D2HGDH: variants seen among roughly 807,000 people sequenced by gnomAD.
D2HGDH encodes the protein D-2-hydroxyglutarate dehydrogenase, mitochondrial.
In D2HGDH, 31 loss-of-function variants were observed where a neutral mutation model predicts 46.9. The ratio of observed to expected loss-of-function variants is 0.66; its 90% CI spans 0.50 to 0.89. The LOEUF is 0.89. Among genes scored for constraint, D2HGDH ranks in the 40% least tolerant of loss-of-function variants. The pLI is 0.00. For synonymous variants in D2HGDH, 364 were observed against 332.6 expected (o/e 1.09, Z -1.03); for missense variants, 698 against 720.8 (o/e 0.97, Z 0.36).
Position 241,742,050 on chromosome 2 carries a change from C to T in D2HGDH, c.351-385C>T, listed in dbSNP as rs569625201. Reference sequence around the variant, plus strand: ...GGCACACGTCTGGGGGATAATGGGCCGAGGGTGGGGAGATGCAGGCAGAGG... The same window carrying T: ...GGCACACGTCTGGGGGATAATGGGCTGAGGGTGGGGAGATGCAGGCAGAGG... On this transcript the variant is annotated intron_variant, in intron 3 of 9. Transcript: ENST00000321264. The surrounding 1 kb of genome is among the most constrained non-coding windows in gnomAD (Gnocchi z 4.8). 4.6e-5 allele frequency among the ~76,000 whole-genome samples: 7 copies of T among 152,052 alleles called. No individual in the cohort carries two copies. Among genetic ancestry groups the T allele is most frequent in the East Asian group, 1.9e-4 (1 of 5,170 alleles).
At chr2:241,748,846 G>A in intron 6 of D2HGDH, 1 of 1,272,718 alleles carries the variant, frequency 7.9e-7, no homozygotes, top group South Asian at 1.3e-5. Flanking sequence ...GTTCTGCTCT[G>A]ATCCCACTCC....
At chr2:241,755,032 C>G in intron 8 of D2HGDH, 1 of 1,295,538 alleles carries the variant, frequency 7.7e-7, no homozygotes, top group Non-Finnish European at 1.0e-6. Flanking sequence ...CTGTCCTGTT[C>G]CTCATGGTGC....
rs1191842618 is a variant in D2HGDH at position 241,760,303 on chromosome 2, C to T, written c.1306+4289C>T. Reference sequence around the variant, plus strand: ...AATCAGTCGAAGGACTTCGCCACAGCGTGGGTGGGCCTTACCCAATCAGTC... The same window carrying T: ...AATCAGTCGAAGGACTTCGCCACAGTGTGGGTGGGCCTTACCCAATCAGTC... On this transcript the variant is annotated intron_variant, in intron 9 of 9. Coordinates refer to ENST00000321264, the MANE Select transcript of D2HGDH (RefSeq NM_152783.5). 2.4e-4 allele frequency among the ~76,000 whole-genome samples: 12 copies of T among 49,466 alleles called. No individual in the cohort carries two copies. In the South Asian group the frequency reaches 2.7e-3, roughly 11 times the overall value. 32.5% of individuals were successfully genotyped at this position (49,466 alleles called of 152,430 possible).
At chr2:241,735,596 G>C in intron 2 of D2HGDH, 80 bp downstream of exon 2, 1 of 1,569,994 alleles carries the variant, frequency 6.4e-7, no homozygotes, top group Non-Finnish European at 8.6e-7. Flanking sequence ...AAAGCGGGCT[G>C]AGAACAACCT....
At chr2:241,762,635 G>A (rs992092279) in intron 9 of D2HGDH, among the ~76,000 whole-genome samples, 2 of 151,994 alleles carry the variant, frequency 1.3e-5, no homozygotes, top group African/African-American at 4.8e-5. Context: ...GTTTCTTATC[G>A]GCTGCTGCCA....
chr2:241,752,767 C>T (rs1243078074), intron 8 of D2HGDH, among the ~76,000 whole-genome samples: 3 of 151,082 alleles, frequency 2.0e-5, no homozygotes, highest in Admixed American at 1.3e-4. Flanking sequence ...GCAGCCCCCA[C>T]ACCACCCCCA....
At chr2:241,750,394 C>CCCG in intron 7 of D2HGDH, 100 bp downstream of exon 7, 1 of 263,588 alleles carries the variant, frequency 3.8e-6, no homozygotes, top group Non-Finnish European at 6.1e-6. Flanking sequence ...GGGGGGTGCC[C>CCCG]GGGCGGGCGG....
chr2:241,761,384 C>A (rs1698801398), intron 9 of D2HGDH, among the ~76,000 whole-genome samples: 1 of 151,980 alleles, frequency 6.6e-6, no homozygotes, highest in Admixed American at 6.6e-5. Context: ...ACTAAAAATA[C>A]AAAAATTAGC....
intron 9 of D2HGDH, among the ~76,000 whole-genome samples, chr2:241,760,435 T>G (rs1185839866): frequency 7.2e-6 from 1 of 139,402 alleles, no homozygotes; most frequent in Non-Finnish European, 1.5e-5. Context: ...TGCCACAGCG[T>G]GGGTGGGCCT....
intron 6 of D2HGDH, 59 bp from the exon 7 acceptor site, chr2:241,750,092 G>A (rs1028700535): frequency 2.5e-6 from 4 of 1,612,264 alleles, no homozygotes; most frequent in Non-Finnish European, 3.4e-6. Context: ...TTTGAAGGGG[G>A]ACTTGGGTGG....
At chr2:241,751,181 C>G in intron 7 of D2HGDH, 65 bp from the exon 8 acceptor site, 1 of 1,610,006 alleles carries the variant, frequency 6.2e-7, no homozygotes, top group Non-Finnish European at 8.5e-7. Context: ...TCTGCCCGAG[C>G]AGCCCTGATT....
chr2:241,747,123 GT>G (rs1161924245), intron 6 of D2HGDH, among the ~76,000 whole-genome samples: 1 of 152,044 alleles, frequency 6.6e-6, no homozygotes, highest in Non-Finnish European at 1.5e-5. Flanking sequence ...AATTTTGTAT[GT>G]AGAAACAGGG....
At chr2:241,738,688 C>T (rs188096109) in intron 2 of D2HGDH, among the ~76,000 whole-genome samples, 161 of 152,312 alleles carry the variant, frequency 1.1e-3, no homozygotes, top group Admixed American at 7.8e-3. Context: ...TTTGGGAATC[C>T]GTGGCCATGG....
chr2:241,764,713 A>G (rs1699125278), intron 9 of D2HGDH, among the ~76,000 whole-genome samples: 1 of 152,212 alleles, frequency 6.6e-6, no homozygotes, highest in Non-Finnish European at 1.5e-5. Flanking sequence ...TCACCCCAAC[A>G]TGGCACAGTT....
At chr2:241,745,884 G>A (rs1559367347) in intron 6 of D2HGDH, among the ~76,000 whole-genome samples, 2 of 152,092 alleles carry the variant, frequency 1.3e-5, no homozygotes, top group African/African-American at 2.4e-5. Context: ...ACGCTGACCC[G>A]CTGTCCTCTG....
At chr2:241,738,650 T>G (rs1235787771) in intron 2 of D2HGDH, among the ~76,000 whole-genome samples, 1 of 152,208 alleles carries the variant, frequency 6.6e-6, no homozygotes, top group Non-Finnish European at 1.5e-5. Context: ...GCTGTCCCCC[T>G]GGGTCCCCGC....
chr2:241,752,992 C>T (rs1033989569), intron 8 of D2HGDH, among the ~76,000 whole-genome samples: 1 of 152,002 alleles, frequency 6.6e-6, no homozygotes, highest in African/African-American at 2.4e-5. Context: ...AGTCCCCAGC[C>T]CCTCCACAGC....
chr2:241,752,156 G>A (rs1007813603), intron 8 of D2HGDH, among the ~76,000 whole-genome samples: 2 of 152,154 alleles, frequency 1.3e-5, no homozygotes, highest in African/African-American at 4.8e-5. Context: ...TTTCAGGCTC[G>A]TGTTAGCCTG....
In D2HGDH at chr2:241,758,362, A is replaced by G. The variant is rs568874114; in HGVS notation, c.1306+2348A>G. On this transcript the variant is annotated intron_variant, in intron 9 of 9. Coordinates refer to ENST00000321264, the MANE Select transcript of D2HGDH (RefSeq NM_152783.5). ...ATAGCTCAGCTTCTTCAATAGCTTT[A>G]GGACTTTCAAGCTTTCCTTTCTTCT... is the stretch of plus-strand genomic sequence containing the variant. Among the ~76,000 whole-genome samples the G allele has an allele frequency of 9.2e-5, 14 of 152,334 alleles. 1 individual carries two copies. The South Asian group carries it at 2.9e-3, about 32-fold the overall frequency.
Sources: gnomAD v4.1 joint callset for allele counts (sites outside exome capture counted in the v4.1 genomes callset) on GRCh38, gnomAD v4.1.1 for gene constraint, Gnocchi (gnomAD v3.1) non-coding constraint, MANE v1.5 for transcripts, NCBI Gene and HGNC (gene_info 2026-07-23, HGNC 2026-07-21) for gene names.